The following CECR2 variants were observed in gnomAD, a reference collection of about 807,000 sequenced individuals.
CECR2 encodes CECR2 histone acetyl-lysine reader.
Under a neutral mutation model 154.5 loss-of-function variants are expected in CECR2, and 30 were observed. The ratio of observed to expected loss-of-function variants is 0.19; its 90% CI spans 0.15 to 0.26. The LOEUF is 0.26. Among genes scored for constraint, CECR2 ranks in the 10% least tolerant of loss-of-function variants. CECR2 has a pLI of 1.00. For missense variants in CECR2, 1,743 were observed against 1,829.3 expected (o/e 0.95, Z 0.86); for synonymous variants, 725 against 683.7 (o/e 1.06, Z -0.94).
chr22:17,364,844 A>T (rs1393960264), upstream of CECR2, among the ~76,000 whole-genome samples: 1 of 151,962 alleles, frequency 6.6e-6, no homozygotes, highest in African/African-American at 2.4e-5. Flanking sequence ...AAAAAACAAA[A>T]CAAACAAACA....
chr22:17,388,175 A>G (rs1374201063), intron 1 of CECR2, among the ~76,000 whole-genome samples: 16 of 152,186 alleles, frequency 1.1e-4, no homozygotes, highest in African/African-American at 3.6e-4. Flanking sequence ...GCTGGTCTCA[A>G]ACTCCTGACC....
intron 2 of CECR2, among the ~76,000 whole-genome samples, chr22:17,481,191 A>G (rs1428450366): frequency 6.7e-6 from 1 of 149,316 alleles, no homozygotes. Context: ...AAAATACAAA[A>G]AATTAGCCGG....
chr22:17,411,016 A>G (rs533971286), intron 1 of CECR2, among the ~76,000 whole-genome samples: 1 of 152,226 alleles, frequency 6.6e-6, no homozygotes, highest in Non-Finnish European at 1.5e-5. Flanking sequence ...AGCCAAGCCT[A>G]GCAGTTAATA....
upstream of CECR2, among the ~76,000 whole-genome samples, chr22:17,365,558 T>A (rs2062997949): frequency 6.6e-6 from 1 of 151,848 alleles, no homozygotes; most frequent in Non-Finnish European, 1.5e-5. Context: ...CAGCCAGGCG[T>A]GGTGGTGGGT....
In CECR2 at chr22:17,548,861, C is replaced by T. The variant is rs2056658870; in HGVS notation, c.3574C>T (p.Pro1192Ser). The change falls in exon 17 of 19, where the codon CCT (proline) becomes TCT (serine). Residue 1192 changes from proline to serine, a missense_variant. Pro to Ser is a moderately conservative substitution (Grantham distance 74, BLOSUM62 -1). This residue lies in a region of CECR2 where 1,250 missense variants were observed against 1,192.1 expected (regional missense o/e 1.05). Coordinates refer to ENST00000262608, the MANE Select transcript of CECR2 (RefSeq NM_001290047.2). ...MRYSYHPPPQ[P>S]SYHHYQRTPY... is the part of the protein sequence containing the mutation. ...GTATTCCTACCACCCACCGCCACAGCCTTCCTACCACCACTATCAGCGAAC... is the reference window on the plus strand; with the variant it reads ...GTATTCCTACCACCCACCGCCACAGTCTTCCTACCACCACTATCAGCGAAC... 6.2e-7 allele frequency: 1 copy of T among 1,613,264 alleles called. No homozygotes were observed.
intron 1 of CECR2, among the ~76,000 whole-genome samples, chr22:17,390,798 C>T (rs866489154): frequency 2.0e-5 from 3 of 151,274 alleles, no homozygotes; most frequent in Middle Eastern, 3.2e-3. Context: ...TTTTTAATAT[C>T]TGATAAAAAT....
intron 10 of CECR2, 131 bp from the exon 11 acceptor site, chr22:17,538,389 G>T: frequency 1.3e-6 from 1 of 788,120 alleles, no homozygotes. Context: ...AGTGTCACAG[G>T]CTCATCTAAA....
intron 1 of CECR2, among the ~76,000 whole-genome samples, chr22:17,370,816 A>G (rs2063051420): frequency 6.6e-6 from 1 of 152,006 alleles, no homozygotes; most frequent in African/African-American, 2.4e-5. Context: ...TCCTATTTTT[A>G]TTTTTATTTT....
intron 1 of CECR2, among the ~76,000 whole-genome samples, chr22:17,447,033 C>CTGGTTTTT (rs1339121774): frequency 6.1e-5 from 7 of 114,110 alleles, no homozygotes; most frequent in African/African-American, 2.6e-4. Context: ...CGTTTACAAT[C>CTGGTTTTT]TTTTTTTTTT....
chr22:17,435,461 T>C (rs980636040), intron 1 of CECR2, among the ~76,000 whole-genome samples: 1 of 152,234 alleles, frequency 6.6e-6, no homozygotes, highest in Non-Finnish European at 1.5e-5. Context: ...CTTTTGTGAA[T>C]TGCTGATTAG....
chr22:17,431,791 C>T (rs977349967), intron 1 of CECR2, among the ~76,000 whole-genome samples: 12 of 114,256 alleles, frequency 1.1e-4, no homozygotes, highest in Non-Finnish European at 1.8e-4. Flanking sequence ...GGGAGGGGCG[C>T]GGCTTATTGA....
intron 10 of CECR2, among the ~76,000 whole-genome samples, chr22:17,538,215 C>G (rs1471143748): frequency 6.6e-6 from 1 of 152,144 alleles, no homozygotes; most frequent in African/African-American, 2.4e-5. Flanking sequence ...AAGATCCTGT[C>G]TCAAAATAAG....
At chr22:17,481,253 G>C (rs775760182) in intron 2 of CECR2, among the ~76,000 whole-genome samples, 6 of 146,042 alleles carry the variant, frequency 4.1e-5, no homozygotes, top group Non-Finnish European at 5.9e-5. Context: ...TGAGGCATGA[G>C]AATGGCGTGA....
At chr22:17,546,971 G>A (rs1037498686) in intron 16 of CECR2, among the ~76,000 whole-genome samples, 11 of 148,424 alleles carry the variant, frequency 7.4e-5, no homozygotes, top group African/African-American at 2.0e-4. Context: ...CCCAGGAGGC[G>A]GAGGTTGCAG....
chr22:17,439,027 G>T lies in CECR2; in HGVS notation c.127-38561G>T, dbSNP rs139217413. ...CTCATCTCTACACATTTTTTTTAAAGTATGTATATATAAAAGCAAGAAGAC... is the reference window on the plus strand; with the variant it reads ...CTCATCTCTACACATTTTTTTTAAATTATGTATATATAAAAGCAAGAAGAC... On this transcript the variant is annotated intron_variant, in intron 1 of 18. Transcript: ENST00000262608. 1.7e-3 allele frequency among the ~76,000 whole-genome samples: 266 copies of T among 152,022 alleles called. 1 individual carries two copies. Among genetic ancestry groups the T allele is most frequent in the African/African-American group, 6.3e-3 (261 of 41,460 alleles).
chr22:17,482,099 A>T (rs562570574), intron 2 of CECR2, among the ~76,000 whole-genome samples: 2 of 112,138 alleles, frequency 1.8e-5, no homozygotes, highest in Non-Finnish European at 3.4e-5. Flanking sequence ...TGGGTGACAG[A>T]TCGAGACTCT....
chr22:17,525,778 G>GT (rs2056254630), intron 9 of CECR2, among the ~76,000 whole-genome samples: 1 of 152,090 alleles, frequency 6.6e-6, no homozygotes, highest in East Asian at 1.9e-4. Context: ...GTGGAATTGT[G>GT]TTTTTTTATT....
chr22:17,521,258 C>G (rs567127567), intron 8 of CECR2, among the ~76,000 whole-genome samples: 3 of 152,022 alleles, frequency 2.0e-5, no homozygotes, highest in African/African-American at 4.8e-5. Flanking sequence ...AGCATCTGTT[C>G]GGCCGGGCGC....
At position 17,515,653 on chromosome 22, in the gene CECR2, T is replaced by C. The variant is rs73876462; in HGVS notation, c.954+3757T>C. On this transcript the variant is annotated intron_variant, in intron 8 of 18. Transcript: ENST00000262608. Reference sequence around the variant, plus strand: ...ATTTTTAAGCATACAATAAAAGCTGTTTATAATTTGCTGCACTACCAACCT... The same window carrying C: ...ATTTTTAAGCATACAATAAAAGCTGCTTATAATTTGCTGCACTACCAACCT... Among the ~76,000 whole-genome samples, 653 of 152,230 alleles carry C rather than the reference T, an allele frequency of 4.3e-3. 2 individuals carry two copies. The highest frequency in any genetic ancestry group is 0.015 in the African/African-American group (632 of 41,512).
Sources: allele counts gnomAD v4.1 joint callset (sites outside exome capture counted in the v4.1 genomes callset), GRCh38; gene constraint gnomAD v4.1.1; regional missense constraint gnomAD v4.1.1; transcripts MANE v1.5; gene names NCBI Gene and HGNC (gene_info 2026-07-23, HGNC 2026-07-21).